Variants in EPHA5 observed in about 807,000 individuals in gnomAD.
EPHA5 encodes the protein EPH receptor A5.
A neutral mutation model predicts 105.0 loss-of-function variants in EPHA5; 60 were observed. That is an observed-to-expected ratio of 0.57 (90% CI 0.46 to 0.71). EPHA5 has a LOEUF of 0.71. Ranked by LOEUF, EPHA5 falls within the 30% of genes least tolerant of loss-of-function variation. The pLI, the probability that EPHA5 is intolerant of heterozygous loss-of-function variation, is 0.00. For synonymous variants in EPHA5, 513 were observed against 449.1 expected (o/e 1.14, Z -1.80); for missense variants, 1,218 against 1,274.7 (o/e 0.96, Z 0.68).
chr4:65,398,149 C>T (rs1428207999), intron 8 of EPHA5, among the ~76,000 whole-genome samples: 3 of 152,176 alleles, frequency 2.0e-5, no homozygotes, highest in African/African-American at 7.2e-5. Context: ...GCCCCCTGCC[C>T]CTGTAGGCTC....
At chr4:65,596,493 C>T (rs1008813875) in intron 3 of EPHA5, among the ~76,000 whole-genome samples, 6 of 151,826 alleles carry the variant, frequency 4.0e-5, no homozygotes, top group African/African-American at 1.5e-4. Context: ...AAAAAACAAA[C>T]AAACAAAAAA....
At chr4:65,467,563 A>G (rs1211565892) in intron 5 of EPHA5, among the ~76,000 whole-genome samples, 3 of 152,180 alleles carry the variant, frequency 2.0e-5, no homozygotes. Context: ...ATAAGGAGAA[A>G]AATTCAGTTA....
chr4:65,364,069 G>A (rs58975632), intron 11 of EPHA5, among the ~76,000 whole-genome samples: 2,375 of 151,560 alleles, frequency 0.016, 59 homozygotes, highest in African/African-American at 0.054. Context: ...CAGAAATGCC[G>A]TGTCTGGGTT....
intron 8 of EPHA5, among the ~76,000 whole-genome samples, chr4:65,386,898 T>A (rs895297396): frequency 1.3e-5 from 2 of 151,842 alleles, no homozygotes; most frequent in African/African-American, 4.8e-5. Context: ...AAATAGCAGC[T>A]TAGTGAGAAA....
At chr4:65,510,338 C>A (rs1282653297) in intron 3 of EPHA5, among the ~76,000 whole-genome samples, 1 of 152,022 alleles carries the variant, frequency 6.6e-6, no homozygotes, top group African/African-American at 2.4e-5. Flanking sequence ...AGCCACTACG[C>A]TCGGTGGATA....
At chr4:65,646,086 T>C (rs1168129178) in intron 1 of EPHA5, among the ~76,000 whole-genome samples, 2 of 152,176 alleles carry the variant, frequency 1.3e-5, no homozygotes, top group Admixed American at 6.5e-5. Context: ...AAAATACATA[T>C]CTTTCTTTTA....
intron 3 of EPHA5, among the ~76,000 whole-genome samples, chr4:65,560,276 A>G (rs1738876285): frequency 6.6e-6 from 1 of 152,162 alleles, no homozygotes; most frequent in Admixed American, 6.6e-5. Context: ...ACACTAATCC[A>G]GATACCTGTT....
chr4:65,554,981 CAAAAA>C (rs71205383), intron 3 of EPHA5, among the ~76,000 whole-genome samples: 311 of 92,406 alleles, frequency 3.4e-3, no homozygotes, highest in African/African-American at 6.3e-3. Flanking sequence ...TATACAACAG[CAAAAA>C]AAAAAAAAAA....
intron 8 of EPHA5, among the ~76,000 whole-genome samples, chr4:65,390,432 C>A (rs1378197297): frequency 1.3e-5 from 2 of 151,966 alleles, no homozygotes; most frequent in Non-Finnish European, 2.9e-5. Flanking sequence ...TCCTCCTGAC[C>A]AAAATCTGGT....
chr4:65,491,540 T>C (rs1444604039), intron 4 of EPHA5, among the ~76,000 whole-genome samples: 1 of 152,106 alleles, frequency 6.6e-6, no homozygotes, highest in East Asian at 1.9e-4. Flanking sequence ...AATATTTTCA[T>C]AGAATCATAA....
chr4:65,583,868 A>C (rs973141600), intron 3 of EPHA5, among the ~76,000 whole-genome samples: 1 of 151,704 alleles, frequency 6.6e-6, no homozygotes, highest in Admixed American at 6.6e-5. Flanking sequence ...AGGTATATAT[A>C]TTCTTATTTG....
chr4:65,373,652 T>C (rs1718708743), intron 8 of EPHA5, among the ~76,000 whole-genome samples: 1 of 151,990 alleles, frequency 6.6e-6, no homozygotes, highest in Admixed American at 6.6e-5. Context: ...TGAGATACAC[T>C]AGACTTCATT....
chr4:65,448,760 T>G (rs1290650449), intron 5 of EPHA5, among the ~76,000 whole-genome samples: 1 of 152,110 alleles, frequency 6.6e-6, no homozygotes. Flanking sequence ...TATATGTGAG[T>G]GTATTATATA....
intron 3 of EPHA5, among the ~76,000 whole-genome samples, chr4:65,548,747 T>C (rs890962779): frequency 1.3e-5 from 2 of 152,128 alleles, no homozygotes; most frequent in Non-Finnish European, 2.9e-5. Context: ...CTCTAGAGCA[T>C]AGAGCAAGTT....
chr4:65,416,000 T>C (rs1218383143), intron 6 of EPHA5, among the ~76,000 whole-genome samples: 1 of 152,070 alleles, frequency 6.6e-6, no homozygotes, highest in African/African-American at 2.4e-5. Context: ...TATTGAAAAA[T>C]ATTATTTTCC....
At chr4:65,416,291 G>A (rs1723375292) in intron 6 of EPHA5, among the ~76,000 whole-genome samples, 1 of 152,028 alleles carries the variant, frequency 6.6e-6, no homozygotes, top group Admixed American at 6.6e-5. Context: ...TTAAGTAGAT[G>A]AGAAAATGTG....
chr4:65,536,494 T>C (rs1465888543), intron 3 of EPHA5, among the ~76,000 whole-genome samples: 1 of 151,900 alleles, frequency 6.6e-6, no homozygotes, highest in African/African-American at 2.4e-5. Flanking sequence ...TACAGTTTTC[T>C]TACACTCTTT....
rs59357895 is a variant in EPHA5, at chr4:65,650,559, C to CAAAAA, written c.182-7137_182-7133dup. On this transcript the variant is annotated intron_variant, in intron 1 of 16. Transcript: ENST00000613740. ...TGGGCAACAGAGTGAGACTCAGTCTCAAAAAAAAAAAAAGAGCTAGTTGTT... is the reference window on the plus strand; with the variant it reads ...TGGGCAACAGAGTGAGACTCAGTCTCAAAAAAAAAAAAAAAAAAGAGCTAGTTGTT... Among the ~76,000 whole-genome samples the CAAAAA allele has an allele frequency of 2.0e-3, 235 of 116,994 alleles. 8 individuals are homozygous for CAAAAA. In the East Asian group the frequency reaches 0.027, roughly 14 times the overall value. 76.8% of individuals were successfully genotyped at this position (116,994 alleles called of 152,430 possible).
chr4:65,650,319 G>A (rs1364990651), intron 1 of EPHA5, among the ~76,000 whole-genome samples: 4 of 151,580 alleles, frequency 2.6e-5, no homozygotes, highest in East Asian at 2.0e-4. Context: ...AGGCCGAGGC[G>A]GGCAGATCAC....
Sources: allele counts gnomAD v4.1 joint callset (sites outside exome capture counted in the v4.1 genomes callset), GRCh38; gene constraint gnomAD v4.1.1; transcripts MANE v1.5; gene names NCBI Gene and HGNC (gene_info 2026-07-23, HGNC 2026-07-21).